The following ONECUT1 variants were observed in gnomAD, a reference collection of about 807,000 sequenced individuals.
The protein encoded by ONECUT1 is hepatocyte nuclear factor 6.
ONECUT1 carries 12 observed loss-of-function variants against 25.6 expected under a neutral mutation model. That is an observed-to-expected ratio of 0.47 (90% CI 0.30 to 0.76). The LOEUF (loss-of-function observed/expected upper bound fraction) is 0.76. Ranked by LOEUF, ONECUT1 falls within the 30% of genes least tolerant of loss-of-function variation. The pLI, the probability that ONECUT1 is intolerant of heterozygous loss-of-function variation, is 0.07. For missense variants in ONECUT1, 620 were observed against 651.2 expected (o/e 0.95, Z 0.52); for synonymous variants, 285 against 270.2 (o/e 1.05, Z -0.54).
In ONECUT1 at chr15:52,784,898, G is replaced by A. The variant is rs1348555904; in HGVS notation, c.1105+3882C>T. Among the ~76,000 whole-genome samples, 3 of 152,196 alleles carry A rather than the reference G, an allele frequency of 2.0e-5. No individual in the cohort carries two copies. Among genetic ancestry groups the A allele is most frequent in the African/African-American group, 7.2e-5 (3 of 41,446 alleles). ...CCCAGCTGGCGGCGCCCCTCGCCCC[G>A]GGCTCAGAGGCGGACACGGTCGGTC... On this transcript the variant is annotated intron_variant, in intron 1 of 1. Coordinates refer to ENST00000305901, the MANE Select transcript of ONECUT1 (RefSeq NM_004498.4). The surrounding 1 kb of genome is among the most constrained non-coding windows in gnomAD (Gnocchi z 5.0).
Position 52,781,694 on chromosome 15 carries a change from C to T in ONECUT1, c.1105+7086G>A, listed in dbSNP as rs147918143. Among the ~76,000 whole-genome samples the T allele has an allele frequency of 2.2e-3, 328 of 152,330 alleles. 2 individuals carry two copies. Among genetic ancestry groups the T allele is most frequent in the African/African-American group, 7.6e-3 (315 of 41,572 alleles). On this transcript the variant is annotated intron_variant, in intron 1 of 1. Transcript: ENST00000305901. Reference sequence around the variant, plus strand: ...CTAATGGTTCCCAAACTTGGCTGCACATCAAAATCACCTGGGAGTTTATAA... The same window carrying T: ...CTAATGGTTCCCAAACTTGGCTGCATATCAAAATCACCTGGGAGTTTATAA...
At chr15:52,757,993 G>C (rs770933967) in intron 1 of ONECUT1, 146 bp from the exon 2 acceptor site, 141 of 826,944 alleles carry the variant, frequency 1.7e-4, no homozygotes, top group Non-Finnish European at 2.4e-4. Flanking sequence ...TGGAGGCTGG[G>C]AGGAAAGTGT....
chr15:52,789,217 G>C lies in ONECUT1; in HGVS notation c.668C>G (p.Pro223Arg). ...LTPNGFEAHH[P>R]AMLGRHGEQH... ...CTCCCCGTGGCGGCCGAGCATGGCC[G>C]GGTGGTGGGCTTCGAAGCCGTTGGG... is the stretch of plus-strand genomic sequence containing the variant. Residue 223 changes from proline to arginine, a missense_variant, in exon 1 of 2, where the codon CCG becomes CGG. By Grantham distance (103) the Pro-to-Arg change is moderately radical. Around this residue, in one of 4 missense-constraint regions of ONECUT1, gnomAD observed 440 missense variants for 404.9 expected, o/e 1.09. Transcript: ENST00000305901. This position sits in a 1 kb window ranked among gnomAD's most constrained non-coding sequence, Gnocchi z 4.1. 6.4e-7 allele frequency: 1 copy of C among 1,561,676 alleles called. No homozygotes were observed. Among genetic ancestry groups the C allele is most frequent in the South Asian group, 1.2e-5 (1 of 84,042 alleles).
chr15:52,789,334 C>G lies in ONECUT1; in HGVS notation c.551G>C (p.Ser184Thr). 6.3e-7 allele frequency: 1 copy of G among 1,589,528 alleles called. No homozygotes were observed. The highest frequency in any genetic ancestry group is 1.1e-5 in the South Asian group (1 of 86,968). ...GMGQSLSPLS[S>T]SGLGSIHNSQ... The stretch of plus-strand genomic sequence containing the variant: ...GTTGTGGATGCTGCCCAGACCGGAG[C>G]TGGAGAGGGGCGAGAGGCTCTGGCC... The change falls in exon 1 of 2, where the codon AGC becomes ACC. Residue 184 changes from serine (S) to threonine (T), a missense_variant. Physicochemically the swap from Ser to Thr is moderately conservative, Grantham distance 58. Coordinates refer to ENST00000305901, the MANE Select transcript of ONECUT1 (RefSeq NM_004498.4). This position sits in a 1 kb window ranked among gnomAD's most constrained non-coding sequence, Gnocchi z 4.1.
In ONECUT1 at chr15:52,789,466, C is replaced by A. The variant is rs1199104063; in HGVS notation, c.419G>T (p.Arg140Leu). ...HHHHHPHHHQ[R>L]LAGNVSGSFT... is the part of the protein sequence containing the mutation. ...GCTACCGCTCACGTTGCCCGCCAGG[C>A]GCTGGTGGTGGTGCGGGTGGTGGTG... Residue 140 changes from arginine (R) to leucine (L), a missense_variant, in exon 1 of 2, where the codon CGC (arginine) becomes CTC (leucine). Around this residue, in one of 4 missense-constraint regions of ONECUT1, gnomAD observed 440 missense variants for 404.9 expected, o/e 1.09. Coordinates refer to ENST00000305901, the MANE Select transcript of ONECUT1 (RefSeq NM_004498.4). The surrounding 1 kb of genome is among the most constrained non-coding windows in gnomAD (Gnocchi z 4.1). 6.2e-7 allele frequency: 1 copy of A among 1,613,570 alleles called. No individual in the cohort carries two copies. The highest frequency in any genetic ancestry group is 8.5e-7 in the Non-Finnish European group (1 of 1,179,946).
Position 52,789,568 on chromosome 15 carries a change from AAGGTGGTGT to A in ONECUT1, c.308_316del (p.Tyr103_Thr105del), listed in dbSNP as rs1246863783. On this transcript the variant is annotated inframe_deletion, in exon 1 of 2. Coordinates refer to ENST00000305901, the MANE Select transcript of ONECUT1 (RefSeq NM_004498.4). The surrounding 1 kb of genome is among the most constrained non-coding windows in gnomAD (Gnocchi z 4.1). ...GGGAGGCAGCGGCTGCAGAGGGGTC[AAGGTGGTGT>A]AGGTGGTGGGCATGCTCATACCTGG... 1.3e-6 allele frequency: 2 copies of A among 1,589,478 alleles called. No individual in the cohort carries two copies. Among genetic ancestry groups the A allele is most frequent in the African/African-American group, 2.7e-5 (2 of 74,424 alleles).
chr15:52,770,823 A>G (rs1367501397), intron 1 of ONECUT1, among the ~76,000 whole-genome samples: 1 of 152,224 alleles, frequency 6.6e-6, no homozygotes, highest in Admixed American at 6.5e-5. Context: ...AAATAAAAGA[A>G]CATCCAGGGC....
intron 1 of ONECUT1, among the ~76,000 whole-genome samples, chr15:52,764,700 A>G (rs1216106620): frequency 6.6e-6 from 1 of 152,218 alleles, no homozygotes; most frequent in Non-Finnish European, 1.5e-5. Flanking sequence ...CCAGGACACC[A>G]TGAAACTGCC....
At position 52,789,666 on chromosome 15, in the gene ONECUT1, C is replaced by A; in HGVS notation, c.219G>T (p.Arg73=). The A allele has an allele frequency of 6.6e-7, 1 of 1,526,208 alleles. No individual in the cohort carries two copies. Among genetic ancestry groups the A allele is most frequent in the Non-Finnish European group, 8.8e-7 (1 of 1,139,808 alleles). The allele number at this position is 1,526,208 out of a possible 1,614,324, so 94.5% of individuals were successfully genotyped here. ...SGGGDYHHHH[R]APEHSLAGPL... ...GGCCGGCCAGGCTGTGCTCAGGGGC[C>A]CGGTGGTGGTGGTGGTAATCTCCGC... Residue 73 remains arginine, a synonymous_variant, in exon 1 of 2, where the codon CGG becomes CGT. Transcript: ENST00000305901. The surrounding 1 kb of genome is among the most constrained non-coding windows in gnomAD (Gnocchi z 4.1).
chr15:52,775,594 G>T (rs2456503), intron 1 of ONECUT1, among the ~76,000 whole-genome samples: 1 of 152,028 alleles, frequency 6.6e-6, no homozygotes, highest in East Asian at 1.9e-4. Context: ...ATATGATTGG[G>T]AGGAAAACTT....
intron 1 of ONECUT1, among the ~76,000 whole-genome samples, chr15:52,767,142 C>T (rs1183251737): frequency 6.6e-6 from 1 of 152,032 alleles, no homozygotes; most frequent in Non-Finnish European, 1.5e-5. Flanking sequence ...CCCAAGTCAC[C>T]CCAACAGCAA....
chr15:52,777,733 C>CAAAAAAAAAAAAAAAAAAAAA (rs1402130601), intron 1 of ONECUT1, among the ~76,000 whole-genome samples: 1 of 85,234 alleles, frequency 1.2e-5, no homozygotes, highest in African/African-American at 7.6e-5. Context: ...CACACACACA[C>CAAAAAAAAAAAAAAAAAAAAA]ACACAAAAAA....
Position 52,777,744 on chromosome 15 carries a change from A to AAAAC in ONECUT1, c.1105+11035_1105+11036insGTTT, listed in dbSNP as rs753677708. Among the ~76,000 whole-genome samples, 545 of 146,806 alleles carry AAAAC rather than the reference A, an allele frequency of 3.7e-3. 13 individuals carry two copies. Among genetic ancestry groups the AAAAC allele is most frequent in the African/African-American group, 8.7e-3 (342 of 39,280 alleles). ...CACACACACACACACACACAAAAAA[A>AAAAC]CATGTAAAGTTATTTGTTCTCTTCC... On this transcript the variant is annotated intron_variant, in intron 1 of 1. Coordinates refer to ENST00000305901, the MANE Select transcript of ONECUT1 (RefSeq NM_004498.4).
chr15:52,757,803 T>G lies in ONECUT1; in HGVS notation c.1150A>C (p.Thr384Pro). ...AAGACCAACCTGGGCTTTTTGGGTG[T>G]GTTGCCTCTATCCTTCCCATGTTCT... ...EQEHGKDRGN[T>P]PKKPRLVFTD... Residue 384 changes from threonine to proline, a missense_variant, in exon 2 of 2, where the codon ACA becomes CCA. Coordinates refer to ENST00000305901, the MANE Select transcript of ONECUT1 (RefSeq NM_004498.4). The G allele has an allele frequency of 6.2e-7, 1 of 1,614,178 alleles. No homozygotes were observed. Among genetic ancestry groups the G allele is most frequent in the South Asian group, 1.1e-5 (1 of 91,084 alleles).
rs150033779 is a variant in ONECUT1 at position 52,774,506 on chromosome 15, C to G, written c.1105+14274G>C. Among the ~76,000 whole-genome samples, 372 of 152,176 alleles carry G rather than the reference C, an allele frequency of 2.4e-3. 1 individual carries two copies. Among genetic ancestry groups the G allele is most frequent in the Non-Finnish European group, 4.0e-3 (269 of 68,000 alleles). ...GTAGAGACGGGGTTTCACCATGTTG[C>G]TTAGGCTGGTCTTGAAATCCTGACC... On this transcript the variant is annotated intron_variant, in intron 1 of 1. Transcript: ENST00000305901.
chr15:52,788,607 A>C lies in ONECUT1; in HGVS notation c.1105+173T>G. Reference sequence around the variant, plus strand: ...CAACACCCTGAGCCCTGGAGTAGGCAATTTGCTCCCACAGCCCTGTGCTGG... The same window carrying C: ...CAACACCCTGAGCCCTGGAGTAGGCCATTTGCTCCCACAGCCCTGTGCTGG... On this transcript the variant is annotated intron_variant, in intron 1 of 1. Coordinates refer to ENST00000305901, the MANE Select transcript of ONECUT1 (RefSeq NM_004498.4). The surrounding 1 kb of genome is among the most constrained non-coding windows in gnomAD (Gnocchi z 4.3). The C allele has an allele frequency of 4.5e-6, 3 of 673,926 alleles. No homozygotes were observed. The allele number at this position is 673,926 out of a possible 1,614,324, so 41.7% of individuals were successfully genotyped here.
chr15:52,787,371 G>T (rs1220935963), intron 1 of ONECUT1, among the ~76,000 whole-genome samples: 6 of 152,004 alleles, frequency 3.9e-5, no homozygotes, highest in Admixed American at 6.5e-5. Context: ...GGCACGAATC[G>T]CAGGCTGGTC....
At chr15:52,780,784 GT>G (rs2083836039) in intron 1 of ONECUT1, 1 of 1,398,318 alleles carries the variant, frequency 7.2e-7, no homozygotes, top group East Asian at 2.6e-5. Flanking sequence ...AAAGCACATA[GT>G]TTATTGCGTT....
intron 1 of ONECUT1, among the ~76,000 whole-genome samples, chr15:52,777,738 A>ACAAAAAAAAAAAAAAAC (rs1555416123): frequency 1.0e-5 from 1 of 96,996 alleles, no homozygotes; most frequent in African/African-American, 7.5e-5. Flanking sequence ...ACACACACAC[A>ACAAAAAAAAAAAAAAAC]AAAAAACATG....
Sources: gnomAD v4.1 joint callset for allele counts (sites outside exome capture counted in the v4.1 genomes callset) on GRCh38, gnomAD v4.1.1 for gene constraint, gnomAD v4.1.1 regional missense constraint, Gnocchi (gnomAD v3.1) non-coding constraint, MANE v1.5 for transcripts, NCBI Gene and HGNC (gene_info 2026-07-23, HGNC 2026-07-21) for gene names.